BCL7B: variants seen among roughly 807,000 people sequenced by gnomAD.
The protein encoded by BCL7B is B-cell CLL/lymphoma 7 protein family member B.
A neutral mutation model predicts 26.5 loss-of-function variants in BCL7B; 11 were observed. The observed-to-expected ratio is 0.42, with a 90% confidence interval of 0.26 to 0.69. BCL7B has a LOEUF of 0.69. Among genes scored for constraint, BCL7B ranks in the 30% least tolerant of loss-of-function variants. The pLI is 0.28. For missense variants in BCL7B, 215 were observed against 264.4 expected, an observed-to-expected ratio of 0.81 and a Z score of 1.30; for synonymous variants, 111 against 107.9, an observed-to-expected ratio of 1.03 and a Z score of -0.18.
At position 73,543,628 on chromosome 7, in the gene BCL7B, G is replaced by A. The variant is rs782334386; in HGVS notation, c.185C>T (p.Ser62Leu). The stretch of plus-strand genomic sequence containing the variant: ...AGGTTCTCGGGCTGCTGAACTGTTC[G>A]ATTTTGACTTTTCTTTCTAGAAAAG... The part of the protein sequence containing the change: ...TDSKEKEKSK[S>L]NSSAAREPNG... Residue 62 changes from serine (S) to leucine (L), a missense_variant, in exon 3 of 6, where the codon TCG becomes TTG. By Grantham distance (145) the Ser-to-Leu change is moderately radical (BLOSUM62 -2). Coordinates refer to ENST00000223368, the MANE Select transcript of BCL7B (RefSeq NM_001707.4). 5.0e-6 allele frequency: 8 copies of A among 1,612,938 alleles called. No individual in the cohort carries two copies. The highest frequency in any genetic ancestry group is 2.2e-5 in the South Asian group (2 of 91,042).
In BCL7B at chr7:73,542,678, C is replaced by G. The variant is rs546996826; in HGVS notation, c.265+870G>C. 2.0e-5 allele frequency among the ~76,000 whole-genome samples: 3 copies of G among 152,276 alleles called. 1 individual carries two copies. The highest frequency in any genetic ancestry group is 2.0e-4 in the Admixed American group (3 of 15,274). On this transcript the variant is annotated intron_variant, in intron 3 of 5. Coordinates refer to ENST00000223368, the MANE Select transcript of BCL7B (RefSeq NM_001707.4). ...AGCAGGTAGGTGTAAAAGGCAGTAT[C>G]ATGACTACGGTGATGATCCGGCGGG... is the stretch of plus-strand genomic sequence containing the variant.
intron 2 of BCL7B, among the ~76,000 whole-genome samples, chr7:73,549,346 C>A (rs1792071614): frequency 6.6e-6 from 1 of 152,154 alleles, no homozygotes; most frequent in Non-Finnish European, 1.5e-5. Flanking sequence ...AAACAAGACA[C>A]ACGAAAATAG....
intron 2 of BCL7B, chr7:73,543,860 T>C (rs889108109): frequency 2.0e-6 from 1 of 501,020 alleles, no homozygotes; most frequent in Non-Finnish European, 3.6e-6. Flanking sequence ...GCAGGAATAC[T>C]GTGAATCATA....
intron 1 of BCL7B, among the ~76,000 whole-genome samples, chr7:73,554,789 T>A (rs1436177456): frequency 4.1e-5 from 5 of 121,176 alleles, no homozygotes; most frequent in Non-Finnish European, 8.5e-5. Context: ...CAGGCAAGAC[T>A]GGGTCTCAAA....
chr7:73,555,127 C>T (rs1396656591), intron 1 of BCL7B, among the ~76,000 whole-genome samples: 2 of 152,070 alleles, frequency 1.3e-5, no homozygotes, highest in African/African-American at 4.8e-5. Flanking sequence ...TACAGGAGGC[C>T]AGGCACAGTG....
rs782026116 is a variant in BCL7B, at chr7:73,537,314, G to A, written c.593C>T (p.Thr198Met). Residue 198 changes from threonine (T) to methionine (M), a missense_variant, in exon 6 of 6, where the codon ACG becomes ATG. Transcript: ENST00000223368. ...FCVDQPTVPQ[T>M]ASES ...GGGATGGTGCTAGCTTTCTGACGCCGTCTGCGGCACTGTGGGTTGGTCCAC... is the reference window on the plus strand; with the variant it reads ...GGGATGGTGCTAGCTTTCTGACGCCATCTGCGGCACTGTGGGTTGGTCCAC... The A allele has an allele frequency of 1.3e-5, 21 of 1,613,964 alleles. No individual in the cohort carries two copies. Among genetic ancestry groups the A allele is most frequent in the East Asian group, 6.7e-5 (3 of 44,888 alleles).
At chr7:73,542,854 T>A in intron 3 of BCL7B, 1 of 450,226 alleles carries the variant, frequency 2.2e-6, no homozygotes, top group Non-Finnish European at 4.4e-6. Context: ...GCTGGGGGAC[T>A]GCTTGAGGCC....
At chr7:73,541,340 C>T (rs1331558337) in intron 3 of BCL7B, among the ~76,000 whole-genome samples, 1 of 152,118 alleles carries the variant, frequency 6.6e-6, no homozygotes, top group African/African-American at 2.4e-5. Context: ...GCAACAGCCA[C>T]ATACCTCACT....
chr7:73,555,993 G>C (rs1015979120), intron 1 of BCL7B, among the ~76,000 whole-genome samples: 1 of 152,172 alleles, frequency 6.6e-6, no homozygotes, highest in Admixed American at 6.5e-5. Flanking sequence ...TTTACAGGGA[G>C]GCTGGTACAG....
chr7:73,537,280 C>A lies in BCL7B; in HGVS notation c.*18G>T. 6.2e-7 allele frequency: 1 copy of A among 1,612,690 alleles called. No individual in the cohort carries two copies. Among genetic ancestry groups the A allele is most frequent in the South Asian group, 1.1e-5 (1 of 91,022 alleles). On this transcript the variant is annotated 3_prime_UTR_variant, in exon 6 of 6. Coordinates refer to ENST00000223368, the MANE Select transcript of BCL7B (RefSeq NM_001707.4). ...AATAAATAGAGGCAGGGCCAGGAGG[C>A]GGAGGGCCGGGATGGTGCTAGCTTT...
chr7:73,557,208 C>G (rs979826782), intron 1 of BCL7B: 11 of 1,050,828 alleles, frequency 1.0e-5, no homozygotes, highest in African/African-American at 5.1e-5. Context: ...CGACGCCAGG[C>G]AGCTCCAGTC....
chr7:73,553,882 C>A (rs1792267409), intron 1 of BCL7B, among the ~76,000 whole-genome samples: 1 of 151,856 alleles, frequency 6.6e-6, no homozygotes, highest in African/African-American at 2.4e-5. Flanking sequence ...CTATCTACAC[C>A]AGATTAGAAT....
intron 4 of BCL7B, among the ~76,000 whole-genome samples, chr7:73,538,632 T>C (rs760607249): frequency 6.6e-6 from 1 of 151,458 alleles, no homozygotes; most frequent in Non-Finnish European, 1.5e-5. Flanking sequence ...CTGGGCAACA[T>C]AGTGAGACTC....
intron 2 of BCL7B, among the ~76,000 whole-genome samples, chr7:73,544,078 A>G (rs1791869569): frequency 6.6e-6 from 1 of 152,092 alleles, no homozygotes; most frequent in South Asian, 2.1e-4. Flanking sequence ...GACAGGACAA[A>G]TGGGCCCAGG....
rs1214693894 is a variant in BCL7B at position 73,537,394 on chromosome 7, G to A, written c.517-4C>T. On this transcript the variant is annotated splice_polypyrimidine_tract_variant and splice_region_variant and intron_variant, in intron 5 of 5. Transcript: ENST00000223368. ...AGTCTTCCTCTTCCTCAACGACCTA[G>A]GAGCAGGCAGAGCATGGAATGCCAG... 1 of 1,613,342 alleles carries A rather than the reference G, an allele frequency of 6.2e-7. No homozygotes were observed. The highest frequency in any genetic ancestry group is 8.5e-7 in the Non-Finnish European group (1 of 1,179,594).
intron 1 of BCL7B, among the ~76,000 whole-genome samples, chr7:73,554,419 CAA>C (rs1554584509): frequency 6.6e-6 from 1 of 151,848 alleles, no homozygotes; most frequent in Non-Finnish European, 1.5e-5. Flanking sequence ...GCCAACTTCT[CAA>C]AGAGTCAAGT....
At chr7:73,543,334 G>A (rs1416333144) in intron 3 of BCL7B, among the ~76,000 whole-genome samples, 2 of 151,944 alleles carry the variant, frequency 1.3e-5, no homozygotes, top group African/African-American at 2.4e-5. Context: ...GCGCCACCAC[G>A]CTCAGCTAAC....
At chr7:73,557,027 A>T in intron 1 of BCL7B, 1 of 987,392 alleles carries the variant, frequency 1.0e-6, no homozygotes, top group Non-Finnish European at 1.2e-6. Flanking sequence ...AGATGGACTA[A>T]CCCAGAAACT....
chr7:73,551,159 T>C (rs1157301482), intron 2 of BCL7B, among the ~76,000 whole-genome samples: 1 of 152,246 alleles, frequency 6.6e-6, no homozygotes, highest in Non-Finnish European at 1.5e-5. Flanking sequence ...GCAAACTTTT[T>C]CTTAAAGGGT....
Sources: allele counts gnomAD v4.1 joint callset (sites outside exome capture counted in the v4.1 genomes callset), GRCh38; gene constraint gnomAD v4.1.1; transcripts MANE v1.5; gene names NCBI Gene and HGNC (gene_info 2026-07-23, HGNC 2026-07-21).